The following FGF12 variants were observed in gnomAD, a reference collection of about 807,000 sequenced individuals.
The protein encoded by FGF12 is fibroblast growth factor 12.
A neutral mutation model predicts 23.6 loss-of-function variants in FGF12; 14 were observed. The observed-to-expected ratio is 0.59, with a 90% CI of 0.39 to 0.93. The LOEUF is 0.93. FGF12 is among the 40% of genes least tolerant of loss of function. The pLI, the probability that FGF12 is intolerant of heterozygous loss-of-function variation, is 0.00. For missense variants in FGF12, 175 were observed against 217.8 expected (o/e 0.80, Z 1.24); for synonymous variants, 62 against 77.3 (o/e 0.80, Z 1.04).
chr3:192,673,600 C>T (rs1454140783), intron 2 of FGF12, among the ~76,000 whole-genome samples: 6 of 150,814 alleles, frequency 4.0e-5, no homozygotes, highest in Admixed American at 3.3e-4. Context: ...CATGTGTTCT[C>T]GCTGTTCAGC....
chr3:192,585,721 C>T (rs1713347475), intron 2 of FGF12, among the ~76,000 whole-genome samples: 1 of 152,068 alleles, frequency 6.6e-6, no homozygotes, highest in Admixed American at 6.6e-5. Flanking sequence ...ACCAGCAAAA[C>T]AACAACAATA....
intron 2 of FGF12, among the ~76,000 whole-genome samples, chr3:192,486,462 A>T (rs957650867): frequency 3.3e-5 from 5 of 152,098 alleles, no homozygotes; most frequent in African/African-American, 4.8e-5. Context: ...AGCCATGTAA[A>T]AACAAAGAGT....
chr3:192,398,186 G>A (rs1284671307), intron 2 of FGF12, among the ~76,000 whole-genome samples: 3 of 152,142 alleles, frequency 2.0e-5, no homozygotes, highest in Non-Finnish European at 4.4e-5. Context: ...TTCTTTATTA[G>A]TGCCTTGCAA....
At chr3:192,538,880 A>T (rs1376259825) in intron 2 of FGF12, among the ~76,000 whole-genome samples, 1 of 152,034 alleles carries the variant, frequency 6.6e-6, no homozygotes, top group African/African-American at 2.4e-5. Context: ...TAATTCCTAG[A>T]TATTTTATTT....
intron 4 of FGF12, among the ~76,000 whole-genome samples, chr3:192,312,819 C>T (rs1716027986): frequency 6.6e-6 from 1 of 151,450 alleles, no homozygotes; most frequent in South Asian, 2.1e-4. Context: ...TCTCTTATGG[C>T]ACCTAACAAT....
At chr3:192,699,210 C>T (rs1718219996) in intron 2 of FGF12, among the ~76,000 whole-genome samples, 1 of 152,174 alleles carries the variant, frequency 6.6e-6, no homozygotes, top group South Asian at 2.1e-4. Flanking sequence ...TTTTACATCT[C>T]TCAGAGGAGG....
intron 2 of FGF12, among the ~76,000 whole-genome samples, chr3:192,425,330 A>T (rs1721659339): frequency 6.6e-6 from 1 of 152,174 alleles, no homozygotes; most frequent in Non-Finnish European, 1.5e-5. Flanking sequence ...TCTCAATTAC[A>T]AGGGTCCTTA....
intron 4 of FGF12, among the ~76,000 whole-genome samples, chr3:192,278,862 T>G (rs1713964416): frequency 6.6e-6 from 1 of 152,154 alleles, no homozygotes; most frequent in Non-Finnish European, 1.5e-5. Context: ...TCTGGTTCCC[T>G]TCCTGCTCCT....
At chr3:192,406,593 G>A (rs1351937690) in intron 2 of FGF12, among the ~76,000 whole-genome samples, 2 of 152,062 alleles carry the variant, frequency 1.3e-5, no homozygotes, top group East Asian at 3.9e-4. Context: ...TATACTAATT[G>A]GACATAAAAT....
chr3:192,664,964 C>A (rs990077741), intron 2 of FGF12, among the ~76,000 whole-genome samples: 1 of 151,982 alleles, frequency 6.6e-6, no homozygotes, highest in Non-Finnish European at 1.5e-5. Flanking sequence ...CACAGAAAAG[C>A]GCAAAGAAGA....
At chr3:192,413,059 T>C (rs1560104200) in intron 2 of FGF12, among the ~76,000 whole-genome samples, 2 of 152,194 alleles carry the variant, frequency 1.3e-5, no homozygotes, top group Admixed American at 6.5e-5. Flanking sequence ...TAGTTATATA[T>C]ATATAGTCTA....
chr3:192,483,289 C>A (rs1442657540), intron 2 of FGF12, among the ~76,000 whole-genome samples: 1 of 152,158 alleles, frequency 6.6e-6, no homozygotes, highest in Admixed American at 6.6e-5. Context: ...AATGCCCCCT[C>A]TTTCCTGGGG....
At chr3:192,596,428 C>T (rs1326330181) in intron 2 of FGF12, among the ~76,000 whole-genome samples, 2 of 152,040 alleles carry the variant, frequency 1.3e-5, no homozygotes, top group Admixed American at 6.6e-5. Flanking sequence ...CTATGTATGA[C>T]TGTGGTTTCC....
intron 2 of FGF12, among the ~76,000 whole-genome samples, chr3:192,628,615 C>T (rs1205412745): frequency 6.7e-6 from 1 of 150,002 alleles, no homozygotes; most frequent in East Asian, 1.9e-4. Flanking sequence ...AGATGGAGGA[C>T]ACTGTGAGCC....
At chr3:192,223,421 G>T (rs1425894874) in intron 4 of FGF12, among the ~76,000 whole-genome samples, 4 of 152,048 alleles carry the variant, frequency 2.6e-5, no homozygotes, top group Admixed American at 6.6e-5. Context: ...AAAAGCTAAA[G>T]ATATAATAAT....
intron 2 of FGF12, among the ~76,000 whole-genome samples, chr3:192,575,878 A>G (rs185323877): frequency 2.6e-5 from 4 of 152,346 alleles, no homozygotes; most frequent in Non-Finnish European, 5.9e-5. Flanking sequence ...TGTAATTATT[A>G]TGTTGATATT....
chr3:192,494,739 GAC>G (rs1435737578), intron 2 of FGF12, among the ~76,000 whole-genome samples: 1 of 152,006 alleles, frequency 6.6e-6, no homozygotes, highest in African/African-American at 2.4e-5. Context: ...TAATATGTGG[GAC>G]ACAGATTGAA....
chr3:192,416,050 G>A (rs1236850406), intron 2 of FGF12, among the ~76,000 whole-genome samples: 2 of 151,958 alleles, frequency 1.3e-5, no homozygotes, highest in Non-Finnish European at 2.9e-5. Context: ...GCACATGACT[G>A]ACACTCAAAA....
At chr3:192,377,451 A>C (rs190918594) in intron 2 of FGF12, among the ~76,000 whole-genome samples, 1 of 152,284 alleles carries the variant, frequency 6.6e-6, no homozygotes, top group East Asian at 1.9e-4. Flanking sequence ...TTTTGTTGTT[A>C]TATTTTCTCC....
Sources: gnomAD v4.1 joint callset for allele counts (sites outside exome capture counted in the v4.1 genomes callset) on GRCh38, gnomAD v4.1.1 for gene constraint, MANE v1.5 for transcripts, NCBI Gene and HGNC (gene_info 2026-07-23, HGNC 2026-07-21) for gene names.